PLEK: variants seen among roughly 807,000 people sequenced by gnomAD.
PLEK encodes the protein pleckstrin.
Under a neutral mutation model 43.9 loss-of-function variants are expected in PLEK, and 25 were observed. The observed-to-expected ratio is 0.57, with a 90% CI of 0.41 to 0.79. The LOEUF is 0.79. PLEK is among the 30% of genes least tolerant of loss of function. The probability of loss-of-function intolerance (pLI) is 0.00; values close to 1 mark genes in which losing one functional copy is unlikely to be tolerated. For missense variants in PLEK, 396 were observed against 413.3 expected (o/e 0.96, Z 0.36); for synonymous variants, 152 against 144.4 (o/e 1.05, Z -0.38).
intron 3 of PLEK, among the ~76,000 whole-genome samples, chr2:68,382,019 G>A (rs1673628415): frequency 6.6e-6 from 1 of 152,176 alleles, no homozygotes; most frequent in South Asian, 2.1e-4. Flanking sequence ...GGACAAAAAT[G>A]AGAACTTCTC....
intron 6 of PLEK, among the ~76,000 whole-genome samples, chr2:68,389,418 C>T (rs773617336): frequency 2.0e-5 from 3 of 152,146 alleles, no homozygotes; most frequent in Non-Finnish European, 4.4e-5. Context: ...TCTATAGGCT[C>T]CACGGGACTG....
At chr2:68,383,473 GGCAGAGGATGA>G (rs1029318007) in intron 4 of PLEK, among the ~76,000 whole-genome samples, 32 of 151,040 alleles carry the variant, frequency 2.1e-4, no homozygotes, top group Non-Finnish European at 4.1e-4. Flanking sequence ...GAGGAGCCAG[GGCAGAGGATGA>G]GCAGAGGATG....
At chr2:68,377,717 T>C (rs1407772753) in intron 1 of PLEK, among the ~76,000 whole-genome samples, 3 of 152,232 alleles carry the variant, frequency 2.0e-5, no homozygotes, top group African/African-American at 7.2e-5. Context: ...TGTCATTCTG[T>C]GGGTTGTCTC....
At chr2:68,378,858 G>A (rs1465865269) in intron 1 of PLEK, among the ~76,000 whole-genome samples, 3 of 152,146 alleles carry the variant, frequency 2.0e-5, no homozygotes, top group African/African-American at 4.8e-5. Flanking sequence ...AGCTGGGCGC[G>A]ATGGCTCACA....
rs1353171035 is a variant in PLEK, at chr2:68,397,089, G to A, written c.*1273G>A. On this transcript the variant is annotated 3_prime_UTR_variant, in exon 9 of 9. Transcript: ENST00000234313. Reference sequence around the variant, plus strand: ...TTTTTGACCCTGACCACTAACTAGTGATTCTTCTCCAAAATTGAGAAAGAC... The same window carrying A: ...TTTTTGACCCTGACCACTAACTAGTAATTCTTCTCCAAAATTGAGAAAGAC... 2 of 152,140 alleles carry A rather than the reference G, an allele frequency of 1.3e-5. No homozygotes were observed. The highest frequency in any genetic ancestry group is 4.8e-5 in the African/African-American group (2 of 41,414). 9.4% of individuals were successfully genotyped at this position (152,140 alleles called of 1,614,324 possible).
At chr2:68,375,929 T>C (rs1052351059) in intron 1 of PLEK, among the ~76,000 whole-genome samples, 1 of 152,202 alleles carries the variant, frequency 6.6e-6, no homozygotes, top group African/African-American at 2.4e-5. Flanking sequence ...TAAGTAAGGA[T>C]TTTTTTAAGG....
chr2:68,391,084 G>C (rs6750761), intron 6 of PLEK, among the ~76,000 whole-genome samples: 25,048 of 152,134 alleles, frequency 0.16, 2,619 homozygotes, highest in African/African-American at 0.3. Flanking sequence ...TCAAATATAA[G>C]TAGATGGCTT....
chr2:68,384,146 T>C (rs1020232745), intron 4 of PLEK, among the ~76,000 whole-genome samples: 21 of 149,564 alleles, frequency 1.4e-4, no homozygotes, highest in Admixed American at 4.7e-4. Context: ...GCTGGTTTTT[T>C]TCTTCTTGTT....
At chr2:68,372,512 C>A (rs1395839516) in intron 1 of PLEK, among the ~76,000 whole-genome samples, 1 of 152,012 alleles carries the variant, frequency 6.6e-6, no homozygotes, top group Non-Finnish European at 1.5e-5. Context: ...ATCTGCCGTT[C>A]TTTATGATTT....
At chr2:68,377,944 T>G (rs1334137899) in intron 1 of PLEK, among the ~76,000 whole-genome samples, 3 of 152,204 alleles carry the variant, frequency 2.0e-5, no homozygotes, top group African/African-American at 7.2e-5. Flanking sequence ...ATTGAACACC[T>G]GACAATATGA....
Position 68,382,915 on chromosome 2 carries a change from A to C in PLEK, c.472+282A>C, listed in dbSNP as rs565602848. ...TTTCTCAATAAATGGCATTATGTTG[A>C]GACTTGCTAGAAATAGACACAGAAT... On this transcript the variant is annotated intron_variant, in intron 4 of 8. Transcript: ENST00000234313. Among the ~76,000 whole-genome samples the C allele has an allele frequency of 6.6e-5, 10 of 152,318 alleles. No individual in the cohort carries two copies. The South Asian group carries it at 2.1e-3, about 32-fold the overall frequency.
intron 1 of PLEK, among the ~76,000 whole-genome samples, chr2:68,379,613 T>G (rs1402446403): frequency 6.6e-6 from 1 of 151,890 alleles, no homozygotes; most frequent in Non-Finnish European, 1.5e-5. Context: ...AATGTTTCTG[T>G]GAGGTGGGTC....
chr2:68,378,405 C>T (rs1265388220), intron 1 of PLEK, among the ~76,000 whole-genome samples: 2 of 152,134 alleles, frequency 1.3e-5, no homozygotes, highest in Admixed American at 1.3e-4. Context: ...TGAGGCAGGC[C>T]GGATTCTTCA....
intron 6 of PLEK, 55 bp from the exon 7 acceptor site, chr2:68,393,107 C>T (rs769788296): frequency 1.7e-5 from 17 of 1,018,534 alleles, no homozygotes; most frequent in Middle Eastern, 2.0e-4. Flanking sequence ...ATTGTTTGTA[C>T]AGAGTGATGC....
chr2:68,394,290 G>A, intron 8 of PLEK, 114 bp downstream of exon 8: 1 of 751,318 alleles, frequency 1.3e-6, no homozygotes, highest in East Asian at 2.6e-5. Context: ...AGCAGGAATG[G>A]GGCAGGCATG....
intron 5 of PLEK, among the ~76,000 whole-genome samples, chr2:68,387,791 T>G (rs1673777078): frequency 6.6e-6 from 1 of 151,636 alleles, no homozygotes; most frequent in African/African-American, 2.4e-5. Flanking sequence ...TTTTTTTTCT[T>G]CAGTCCTTTG....
At chr2:68,379,157 A>C (rs1415595785) in intron 1 of PLEK, among the ~76,000 whole-genome samples, 1 of 152,066 alleles carries the variant, frequency 6.6e-6, no homozygotes, top group Non-Finnish European at 1.5e-5. Context: ...TAAAAATAAA[A>C]TTTAAAAAAA....
At chr2:68,394,589 T>A (rs969170276) in intron 8 of PLEK, among the ~76,000 whole-genome samples, 1 of 152,156 alleles carries the variant, frequency 6.6e-6, no homozygotes, top group African/African-American at 2.4e-5. Flanking sequence ...AAACCAGAGT[T>A]ATTTTTTGTC....
chr2:68,395,283 A>C (rs976757928), intron 8 of PLEK, among the ~76,000 whole-genome samples: 2 of 151,382 alleles, frequency 1.3e-5, no homozygotes, highest in African/African-American at 2.4e-5. Flanking sequence ...AGATAGGTAG[A>C]TATCAGGAGC....
Sources: allele counts gnomAD v4.1 joint callset (sites outside exome capture counted in the v4.1 genomes callset), GRCh38; gene constraint gnomAD v4.1.1; transcripts MANE v1.5; gene names NCBI Gene and HGNC (gene_info 2026-07-23, HGNC 2026-07-21).